ANKRD26: variants seen among roughly 807,000 people sequenced by gnomAD.
The protein encoded by ANKRD26 is ankyrin repeat domain-containing protein 26.
In ANKRD26, 141 loss-of-function variants were observed where a neutral mutation model predicts 208.7. The observed-to-expected ratio is 0.68, with a 90% confidence interval of 0.59 to 0.78. The LOEUF is 0.78. Ranked by LOEUF, ANKRD26 falls within the 30% of genes least tolerant of loss-of-function variation. The pLI is 0.00. For synonymous variants in ANKRD26, 636 were observed against 660.4 expected (o/e 0.96, Z 0.57); for missense variants, 1,889 against 1,938.7 (o/e 0.97, Z 0.48).
In ANKRD26 at chr10:27,012,885, G is replaced by A; in HGVS notation, c.4950C>T (p.Ser1650=). The change falls in exon 32 of 34, where the codon AGC becomes AGT. Residue 1650 remains serine (S), a synonymous_variant. Transcript: ENST00000376087. ...ASNNSMENYL[S]KMQQELEKNI... is the part of the protein sequence containing the mutation. ...GAAAAAAGACAACATAACTAACCTT[G>A]CTCAAGTAGTTCTCCATGCTATTAT... The A allele has an allele frequency of 6.2e-7, 1 of 1,612,200 alleles. No homozygotes were observed. Among genetic ancestry groups the A allele is most frequent in the Non-Finnish European group, 8.5e-7 (1 of 1,178,286 alleles).
At chr10:27,044,088 C>T (rs1212966383) in intron 19 of ANKRD26, 69 bp downstream of exon 19, 3 of 1,182,586 alleles carry the variant, frequency 2.5e-6, no homozygotes, top group Non-Finnish European at 3.4e-6. Flanking sequence ...GCCACTGTGC[C>T]CAGCCCACTT....
intron 5 of ANKRD26, among the ~76,000 whole-genome samples, chr10:26,976,317 C>T (rs112112247): frequency 6.6e-6 from 1 of 151,952 alleles, no homozygotes; most frequent in Non-Finnish European, 1.5e-5. Flanking sequence ...CAGGTTCAAG[C>T]GATTCTCCTG....
intron 27 of ANKRD26, 148 bp downstream of exon 27, chr10:27,028,704 A>G (rs1042929294): frequency 2.0e-5 from 13 of 659,680 alleles, no homozygotes; most frequent in Admixed American, 1.4e-4. Flanking sequence ...ATATCTCATT[A>G]TGTATGTACA....
At chr10:27,058,670 G>A (rs1431493462) in intron 15 of ANKRD26, among the ~76,000 whole-genome samples, 1 of 151,422 alleles carries the variant, frequency 6.6e-6, no homozygotes, top group African/African-American at 2.4e-5. Flanking sequence ...CCAACTCCCT[G>A]GTTCAAGCAA....
At chr10:26,970,150 A>C (rs182842973), downstream of ANKRD26, among the ~76,000 whole-genome samples, 119 of 152,124 alleles carry the variant, frequency 7.8e-4, no homozygotes, top group Non-Finnish European at 1.3e-3. Context: ...TATTTTGTTT[A>C]ATACTAGATA....
At chr10:27,080,039 C>A in intron 6 of ANKRD26, 1 of 400,118 alleles carries the variant, frequency 2.5e-6, no homozygotes, top group South Asian at 1.7e-5. Context: ...TACCTGTGGT[C>A]CCAGCTACTT....
chr10:27,017,412 A>C, intron 30 of ANKRD26, 90 bp downstream of exon 30: 1 of 1,367,682 alleles, frequency 7.3e-7, no homozygotes, highest in Non-Finnish European at 1.0e-6. Flanking sequence ...ACAAATTGCT[A>C]TAAGGGATGT....
chr10:27,031,649 T>C (rs949344959), intron 25 of ANKRD26, among the ~76,000 whole-genome samples: 2 of 152,180 alleles, frequency 1.3e-5, no homozygotes, highest in African/African-American at 4.8e-5. Flanking sequence ...CTGTAAATAA[T>C]CTAAGAGACA....
At chr10:26,995,546 A>C (rs2052572384) in intron 4 of ANKRD26, among the ~76,000 whole-genome samples, 2 of 152,226 alleles carry the variant, frequency 1.3e-5, no homozygotes, top group South Asian at 4.1e-4. Flanking sequence ...TATGCACAGA[A>C]GTTGGTGGGC....
chr10:27,047,776 C>T (rs1337898519), intron 17 of ANKRD26, among the ~76,000 whole-genome samples: 1 of 150,840 alleles, frequency 6.6e-6, no homozygotes, highest in Non-Finnish European at 1.5e-5. Flanking sequence ...TGGAGTCTCG[C>T]CCTGTCACCC....
chr10:26,964,991 G>T, the ANKRD26 span, among the ~76,000 whole-genome samples: 1 of 152,146 alleles, frequency 6.6e-6, no homozygotes, highest in Non-Finnish European at 1.5e-5. Flanking sequence ...TCCCAGCAGA[G>T]CAGCTGTCAG....
At chr10:26,979,870 G>T (rs999510070) in intron 5 of ANKRD26, among the ~76,000 whole-genome samples, 1 of 152,138 alleles carries the variant, frequency 6.6e-6, no homozygotes, top group Non-Finnish European at 1.5e-5. Flanking sequence ...TTATTCTGAG[G>T]CTAACAGGTT....
At chr10:26,998,287 G>T (rs1300943559) in intron 4 of ANKRD26, among the ~76,000 whole-genome samples, 3 of 152,094 alleles carry the variant, frequency 2.0e-5, no homozygotes, top group Non-Finnish European at 4.4e-5. Flanking sequence ...TGATTCTTTT[G>T]GGTTCTGGTG....
chr10:27,050,528 G>A (rs1303422646), intron 16 of ANKRD26, among the ~76,000 whole-genome samples: 1 of 152,122 alleles, frequency 6.6e-6, no homozygotes, highest in Non-Finnish European at 1.5e-5. Context: ...GGAATTATAA[G>A]TTCCAACAGT....
rs2056121104 is a variant in ANKRD26 at position 27,086,528 on chromosome 10, G to A, written c.709+11C>T. 1 of 1,604,604 alleles carries A rather than the reference G, an allele frequency of 6.2e-7. No individual in the cohort carries two copies. Among genetic ancestry groups the A allele is most frequent in the Non-Finnish European group, 8.5e-7 (1 of 1,174,598 alleles). ...CTATTACCAAGAGAAATTCACTATTGGAAGTCTTACCTGAATTACTATTTT... is the reference window on the plus strand; with the variant it reads ...CTATTACCAAGAGAAATTCACTATTAGAAGTCTTACCTGAATTACTATTTT... On this transcript the variant is annotated intron_variant, in intron 5 of 33. Coordinates refer to ENST00000376087, the MANE Select transcript of ANKRD26 (RefSeq NM_014915.3).
downstream of ANKRD26, among the ~76,000 whole-genome samples, chr10:26,973,014 A>T (rs896509472): frequency 5.9e-5 from 9 of 152,124 alleles, no homozygotes; most frequent in African/African-American, 2.2e-4. Flanking sequence ...TCATATCCAG[A>T]TTCCTGACCT....
intron 6 of ANKRD26, chr10:27,080,604 C>T (rs2055872603): frequency 1.0e-6 from 1 of 980,648 alleles, no homozygotes; most frequent in Admixed American, 6.2e-5. Context: ...CTATATTTCC[C>T]TAAGTACTAT....
At position 27,037,871 on chromosome 10, in the gene ANKRD26, C is replaced by G. The variant is rs748287252; in HGVS notation, c.2559G>C (p.Gln853His). 1 of 1,601,556 alleles carries G rather than the reference C, an allele frequency of 6.2e-7. No homozygotes were observed. The highest frequency in any genetic ancestry group is 1.7e-5 in the Admixed American group (1 of 59,624). ...AAATTTTTATCAAAAATTAATTTAC[C>G]TGATTCAAATTACTTTTTACAGTCC... ...ELRTVKSNLN[Q>H]VVQERNDAQR... The change falls in exon 22 of 34, where the codon CAG becomes CAC. Residue 853 changes from glutamine to histidine, a missense_variant and splice_region_variant. Coordinates refer to ENST00000376087, the MANE Select transcript of ANKRD26 (RefSeq NM_014915.3).
chr10:27,008,986 C>T (rs911164893), intron 32 of ANKRD26, among the ~76,000 whole-genome samples: 14 of 152,204 alleles, frequency 9.2e-5, no homozygotes, highest in African/African-American at 3.1e-4. Flanking sequence ...ACTACAGGCG[C>T]GCAACACCAC....
Sources: allele counts gnomAD v4.1 joint callset (sites outside exome capture counted in the v4.1 genomes callset), GRCh38; gene constraint gnomAD v4.1.1; transcripts MANE v1.5; gene names NCBI Gene and HGNC (gene_info 2026-07-23, HGNC 2026-07-21).